Variants in PTPRM observed in about 807,000 individuals in gnomAD.
The protein encoded by PTPRM is protein tyrosine phosphatase receptor type M.
A neutral mutation model predicts 186.7 loss-of-function variants in PTPRM; 47 were observed. The ratio of observed to expected loss-of-function variants is 0.25; its 90% CI spans 0.20 to 0.32. The LOEUF is 0.32. Ranked by LOEUF, PTPRM falls within the 10% of genes least tolerant of loss-of-function variation. The pLI, the probability that PTPRM is intolerant of heterozygous loss-of-function variation, is 1.00. For synonymous variants in PTPRM, 668 were observed against 674.9 expected, an observed-to-expected ratio of 0.99 and a Z score of 0.16; for missense variants, 1,494 against 1,865.0, an observed-to-expected ratio of 0.80 and a Z score of 3.66.
chr18:7,910,589 G>A (rs1032683822), intron 4 of PTPRM, among the ~76,000 whole-genome samples: 6 of 152,288 alleles, frequency 3.9e-5, no homozygotes, highest in Non-Finnish European at 8.8e-5. Context: ...ACCATTCAGA[G>A]GCTGAAGTGA....
intron 6 of PTPRM, 84 bp from the exon 7 acceptor site, chr18:7,955,037 A>G (rs2053222649): frequency 1.5e-6 from 2 of 1,340,966 alleles, no homozygotes; most frequent in African/African-American, 1.5e-5. Context: ...ATTATCTTCT[A>G]CATTTTAATA....
At chr18:8,183,167 A>G (rs2093599337) in intron 14 of PTPRM, among the ~76,000 whole-genome samples, 1 of 152,268 alleles carries the variant, frequency 6.6e-6, no homozygotes, top group South Asian at 2.1e-4. Flanking sequence ...CCTAAACAAA[A>G]TAAACCATAG....
intron 9 of PTPRM, among the ~76,000 whole-genome samples, chr18:8,079,221 T>G (rs2089994752): frequency 6.6e-6 from 1 of 152,182 alleles, no homozygotes; most frequent in Non-Finnish European, 1.5e-5. Flanking sequence ...AGCACTAGCC[T>G]TGCCTCTCTG....
rs376232140 is a variant in PTPRM, at chr18:8,066,906, C to A, written c.1133-2780C>A. Among the ~76,000 whole-genome samples, 139 of 152,204 alleles carry A rather than the reference C, an allele frequency of 9.1e-4. 2 individuals are homozygous for A. In the South Asian group the frequency reaches 0.028, roughly 31 times the overall value. ...GACATAATTTTACCATGATGGAATT[C>A]TAAAAGGTGCTCACAGAGAAAGGGA... On this transcript the variant is annotated intron_variant, in intron 7 of 32. Transcript: ENST00000580170.
rs557766971 is a variant in PTPRM, at chr18:8,372,056, C to CTTTTTTTT, written c.3171+1069_3171+1076dup. ...TTGGCCTTCCTCTCCACTCTATATT[C>CTTTTTTTT]TTTTTTTTTTTTTTTTTTTTTTTTT... On this transcript the variant is annotated intron_variant, in intron 24 of 32. Transcript: ENST00000580170. 4.4e-4 allele frequency among the ~76,000 whole-genome samples: 26 copies of CTTTTTTTT among 59,068 alleles called. 5 individuals carry two copies. Among genetic ancestry groups the CTTTTTTTT allele is most frequent in the South Asian group, 1.9e-3 (3 of 1,578 alleles). The allele number at this position is 59,068 out of a possible 152,430, so 38.8% of individuals were successfully genotyped here.
At chr18:7,673,567 A>G (rs1277791781) in intron 1 of PTPRM, among the ~76,000 whole-genome samples, 2 of 152,212 alleles carry the variant, frequency 1.3e-5, no homozygotes, top group Non-Finnish European at 2.9e-5. Flanking sequence ...TCTACAAAAC[A>G]AAGTGAAAAA....
At chr18:7,674,648 G>T (rs1017609425) in intron 1 of PTPRM, among the ~76,000 whole-genome samples, 2 of 152,234 alleles carry the variant, frequency 1.3e-5, no homozygotes, top group African/African-American at 4.8e-5. Context: ...CCTAGGTAGA[G>T]AGTGGGCAGC....
chr18:8,145,305 T>C (rs944282280), intron 14 of PTPRM, among the ~76,000 whole-genome samples: 1 of 152,144 alleles, frequency 6.6e-6, no homozygotes, highest in Non-Finnish European at 1.5e-5. Context: ...AATGGAGAGT[T>C]CAGCTTTGCA....
intron 2 of PTPRM, among the ~76,000 whole-genome samples, chr18:7,790,292 G>C (rs1433455650): frequency 6.6e-6 from 1 of 152,190 alleles, no homozygotes; most frequent in Non-Finnish European, 1.5e-5. Flanking sequence ...TCTCAGCAAA[G>C]CACAGAAGAG....
intron 3 of PTPRM, among the ~76,000 whole-genome samples, chr18:7,896,149 T>G: frequency 6.6e-6 from 1 of 152,184 alleles, no homozygotes; most frequent in East Asian, 1.9e-4. Context: ...TGGGAAGCAG[T>G]GGGGAAGGGC....
Position 8,049,886 on chromosome 18 carries a change from T to C in PTPRM, c.1133-19800T>C, listed in dbSNP as rs1035643697. Among the ~76,000 whole-genome samples the C allele has an allele frequency of 2.1e-4, 32 of 152,004 alleles. 1 individual carries two copies. Among genetic ancestry groups the C allele is most frequent in the Non-Finnish European group, 1.2e-4 (8 of 68,000 alleles). ...ACCGCCACACCCAGCTATTTTTTTGTATTTTTAGTAGATACAGGGTTTCAC... is the reference window on the plus strand; with the variant it reads ...ACCGCCACACCCAGCTATTTTTTTGCATTTTTAGTAGATACAGGGTTTCAC... On this transcript the variant is annotated intron_variant, in intron 7 of 32. Coordinates refer to ENST00000580170, the MANE Select transcript of PTPRM (RefSeq NM_001105244.2).
chr18:7,582,001 C>A (rs2036858749), intron 1 of PTPRM, among the ~76,000 whole-genome samples: 2 of 152,044 alleles, frequency 1.3e-5, no homozygotes, highest in African/African-American at 2.4e-5. Context: ...TTTGGCTAAG[C>A]AAATTTTACA....
At chr18:7,724,772 T>C (rs1394221442) in intron 1 of PTPRM, among the ~76,000 whole-genome samples, 2 of 152,228 alleles carry the variant, frequency 1.3e-5, no homozygotes, top group African/African-American at 4.8e-5. Context: ...TATTCATATA[T>C]TCAAAATAAA....
At chr18:8,127,939 T>C (rs1424294805) in intron 13 of PTPRM, among the ~76,000 whole-genome samples, 1 of 152,142 alleles carries the variant, frequency 6.6e-6, no homozygotes. Context: ...CAATAAATGC[T>C]CCACTTCCAT....
chr18:8,222,103 C>A (rs1117756), intron 14 of PTPRM, among the ~76,000 whole-genome samples: 83,717 of 151,836 alleles, frequency 0.55, 23,674 homozygotes, highest in East Asian at 0.77. Flanking sequence ...AACTCCATTA[C>A]ATTTAATTTG....
At chr18:7,653,293 T>G (rs1424429885) in intron 1 of PTPRM, among the ~76,000 whole-genome samples, 2 of 152,040 alleles carry the variant, frequency 1.3e-5, no homozygotes, top group African/African-American at 4.8e-5. Flanking sequence ...ACCACAGGCA[T>G]GCACCACCAC....
chr18:8,212,630 C>A (rs1294111944), intron 14 of PTPRM, among the ~76,000 whole-genome samples: 1 of 152,056 alleles, frequency 6.6e-6, no homozygotes, highest in East Asian at 1.9e-4. Context: ...CATAGCGAGA[C>A]CCTGTCTCTG....
chr18:8,344,072 A>G (rs768350497), intron 23 of PTPRM, among the ~76,000 whole-genome samples: 2 of 152,300 alleles, frequency 1.3e-5, no homozygotes, highest in Non-Finnish European at 2.9e-5. Flanking sequence ...GGAAACTTTT[A>G]CATAGTTGTA....
rs554237026 is a variant in PTPRM at position 7,567,936 on chromosome 18, G to GCGGGACGCC, written c.73+55_73+63dup. 9,383 of 1,514,522 alleles carry GCGGGACGCC rather than the reference G, an allele frequency of 6.2e-3. 406 individuals are homozygous for GCGGGACGCC. The East Asian group carries it at 0.11, about 17-fold the overall frequency. 93.8% of individuals were successfully genotyped at this position (1,514,522 alleles called of 1,614,324 possible). A position where few individuals can be genotyped will look rare whatever the true frequency, so the allele number is the denominator to read the frequency against. ...CCGCCCCCGAGGCGCGCGGGCCGGC[G>GCGGGACGCC]CGGGACGCCCGGGACGCCGACAGCT... is the stretch of plus-strand genomic sequence containing the variant. On this transcript the variant is annotated intron_variant, in intron 1 of 32. Transcript: ENST00000580170. This position sits in a 1 kb window ranked among gnomAD's most constrained non-coding sequence, Gnocchi z 4.3.
Sources: gnomAD v4.1 joint callset for allele counts (sites outside exome capture counted in the v4.1 genomes callset) on GRCh38, gnomAD v4.1.1 for gene constraint, Gnocchi (gnomAD v3.1) non-coding constraint, MANE v1.5 for transcripts, NCBI Gene and HGNC (gene_info 2026-07-23, HGNC 2026-07-21) for gene names.